Variants in LITAFD observed in about 807,000 individuals in gnomAD.
The protein encoded by LITAFD is LITAF domain containing.
At chr16:8,884,664 G>A (rs773161587) in intron 3 of LITAFD, among the ~76,000 whole-genome samples, 199 bp downstream of exon 3, 6 of 152,202 alleles carry the variant, frequency 3.9e-5, no homozygotes, top group Non-Finnish European at 8.8e-5. Flanking sequence ...GAACAGCAGG[G>A]AGTGGAGGGG....
At chr16:8,885,056 G>A (rs2141144106) in intron 3 of LITAFD, 131 bp from the exon 4 acceptor site, 2 of 399,198 alleles carry the variant, frequency 5.0e-6, no homozygotes, top group Admixed American at 4.4e-5. Context: ...CTGGGATACA[G>A]AGTGAGACTC....
chr16:8,884,911 CCT>C (rs2141144051), intron 3 of LITAFD, among the ~76,000 whole-genome samples: 1 of 152,250 alleles, frequency 6.6e-6, no homozygotes, highest in African/African-American at 2.4e-5. Flanking sequence ...GTGCTGAAAC[CCT>C]GTCTCTAACT....
chr16:8,884,427 C>G, exon 3 of LITAFD: 1 of 399,356 alleles, frequency 2.5e-6, no homozygotes, highest in Non-Finnish European at 4.4e-6. Flanking sequence ...TCCCGGGTGC[C>G]CTCACCTGGC....
intron 2 of LITAFD, among the ~76,000 whole-genome samples, chr16:8,883,515 G>A (rs2061551323): frequency 1.3e-5 from 2 of 152,116 alleles, no homozygotes; most frequent in Middle Eastern, 6.8e-3. Flanking sequence ...TCTCTCCAGA[G>A]GGAAATCACT....
intron 2 of LITAFD, among the ~76,000 whole-genome samples, chr16:8,883,868 C>T (rs13332111): frequency 2.0e-5 from 3 of 152,242 alleles, no homozygotes; most frequent in African/African-American, 7.2e-5. Context: ...AGTTCAAGAC[C>T]AGCTTGGCCA....
At chr16:8,884,418 C>G (rs2061555532) in exon 3 of LITAFD, 1 of 399,328 alleles carries the variant, frequency 2.5e-6, no homozygotes, top group Non-Finnish European at 4.4e-6. Flanking sequence ...CGACCTTTGT[C>G]CCGGGTGCCC....
At chr16:8,883,373 A>G (rs30775) in intron 2 of LITAFD, 87 bp downstream of exon 2, 151,491 of 152,318 alleles carry the variant, frequency 0.99, 75,341 homozygotes, top group Middle Eastern at 1. Flanking sequence ...CTGACCTCTG[A>G]CCAAGACTCT....
chr16:8,883,473 C>T (rs567021600), intron 2 of LITAFD, among the ~76,000 whole-genome samples, 187 bp downstream of exon 2: 29 of 152,168 alleles, frequency 1.9e-4, no homozygotes, highest in Non-Finnish European at 4.1e-4. Context: ...TGCTCCCATG[C>T]TGGCTGTGTT....
At chr16:8,883,146 G>A (rs559898711) in intron 1 of LITAFD, 64 bp from the exon 2 acceptor site, 2 of 152,280 alleles carry the variant, frequency 1.3e-5, no homozygotes, top group Admixed American at 1.3e-4. Flanking sequence ...TAAGTTTTGA[G>A]CTAAGTCCCT....
rs1440617042 is a variant in LITAFD, at chr16:8,882,522, C to T, written c.-111+12C>T. 2 of 152,482 alleles carry T rather than the reference C, an allele frequency of 1.3e-5. No homozygotes were observed. The highest frequency in any genetic ancestry group is 2.9e-5 in the Non-Finnish European group (2 of 68,250). The allele number at this position is 152,482 out of a possible 1,614,324, so 9.4% of individuals were successfully genotyped here. On this transcript the variant is annotated intron_variant, in intron 1 of 3. Transcript: ENST00000636296. Reference sequence around the variant, plus strand: ...GGAATCATCCCCGGGTGAGGGCTCCCCTCATTCAGGGGCCAGGGCTGGCAG... The same window carrying T: ...GGAATCATCCCCGGGTGAGGGCTCCTCTCATTCAGGGGCCAGGGCTGGCAG...
intron 3 of LITAFD, 40 bp from the exon 4 acceptor site, chr16:8,885,147 G>C: frequency 2.5e-6 from 1 of 399,314 alleles, no homozygotes; most frequent in Non-Finnish European, 4.4e-6. Context: ...ACAGTGAGAG[G>C]TGGCCCCGCT....
chr16:8,884,635 A>C (rs1210323530), intron 3 of LITAFD, among the ~76,000 whole-genome samples, 170 bp downstream of exon 3: 1 of 152,098 alleles, frequency 6.6e-6, no homozygotes, highest in Non-Finnish European at 1.5e-5. Flanking sequence ...CAGCCCTCTG[A>C]CCCAGGGACC....
chr16:8,884,861 C>T (rs1018511972), intron 3 of LITAFD, among the ~76,000 whole-genome samples: 4 of 152,060 alleles, frequency 2.6e-5, no homozygotes, highest in African/African-American at 4.8e-5. Flanking sequence ...GAGGTGGGTG[C>T]GTCACTTGAG....
At position 8,885,264 on chromosome 16, in the gene LITAFD, A is replaced by T. The variant is rs758142878; in HGVS notation, c.188A>T (p.Gln63Leu). 16 of 398,956 alleles carry T rather than the reference A, an allele frequency of 4.0e-5. No homozygotes were observed. In the Admixed American group the frequency reaches 5.7e-4, roughly 14 times the overall value. The allele number at this position is 398,956 out of a possible 1,614,324, so 24.7% of individuals were successfully genotyped here. ...GTGAAGCACTCGTGTCCCGTGTGTC[A>T]GCGCGAGCTCTTCTACTACCACCGC... The change falls in exon 4 of 4, where the codon CAG becomes CTG. Residue 63 changes from glutamine (Q) to leucine (L), a missense_variant. Coordinates refer to ENST00000636296, the Ensembl canonical transcript of LITAFD.
intron 3 of LITAFD, chr16:8,884,984 G>A: frequency 7.5e-6 from 3 of 398,134 alleles, no homozygotes; most frequent in South Asian, 2.8e-4. Flanking sequence ...CAGCTACTCA[G>A]GAGACTGAGG....
rs763835522 is a variant in LITAFD at position 8,885,177 on chromosome 16, G to T, written c.111-10G>T. The T allele has an allele frequency of 3.3e-5, 13 of 399,266 alleles. No homozygotes were observed. The East Asian group carries it at 4.6e-4, about 14-fold the overall frequency. 24.7% of individuals were successfully genotyped at this position (399,266 alleles called of 1,614,324 possible). On this transcript the variant is annotated splice_polypyrimidine_tract_variant and intron_variant, in intron 3 of 3. Coordinates refer to ENST00000636296, the Ensembl canonical transcript of LITAFD. Reference sequence around the variant, plus strand: ...CCCGCTCACGCCCAGCCTCCGCTCCGGGGCTGCAGGTACGTCCTGGGCTGC... The same window carrying T: ...CCCGCTCACGCCCAGCCTCCGCTCCTGGGCTGCAGGTACGTCCTGGGCTGC...
chr16:8,884,720 T>C (rs985412925), intron 3 of LITAFD, among the ~76,000 whole-genome samples: 2 of 152,200 alleles, frequency 1.3e-5, no homozygotes, highest in African/African-American at 4.8e-5. Context: ...CCACGGCAGC[T>C]GCTGCTGTCA....
rs149150494 is a variant in LITAFD at position 8,884,346 on chromosome 16, G to A, written c.-10G>A. ...AGCTGTATGCCGGCATGTCCGTGGT[G>A]GGGACGTCCATGCCGGTGCAGGCCG... On this transcript the variant is annotated 5_prime_UTR_variant, in exon 3 of 4. It introduces an in-frame stop codon into an upstream open reading frame of the 5' UTR. Coordinates refer to ENST00000636296, the Ensembl canonical transcript of LITAFD. 2,886 of 399,124 alleles carry A rather than the reference G, an allele frequency of 7.2e-3. 15 individuals carry two copies. Among genetic ancestry groups the A allele is most frequent in the Non-Finnish European group, 7.9e-3 (1,792 of 226,140 alleles). 24.7% of individuals were successfully genotyped at this position (399,124 alleles called of 1,614,324 possible).
intron 2 of LITAFD, 46 bp from the exon 3 acceptor site, chr16:8,884,277 C>T (rs1267874322): frequency 2.5e-6 from 1 of 398,546 alleles, no homozygotes; most frequent in Non-Finnish European, 4.4e-6. Context: ...CACAGGGGTC[C>T]TGGCCCCGGG....
Sources: gnomAD v4.1 joint callset for allele counts (sites outside exome capture counted in the v4.1 genomes callset) on GRCh38, gnomAD v4.1.1 for gene constraint, MANE v1.5 for transcripts, NCBI Gene and HGNC (gene_info 2026-07-23, HGNC 2026-07-21) for gene names.